The following MAF variants were observed in gnomAD, a reference collection of about 807,000 sequenced individuals.
MAF encodes the protein transcription factor Maf.
A neutral mutation model predicts 22.0 loss-of-function variants in MAF; 10 were observed. That is an observed-to-expected ratio of 0.45 (90% CI 0.28 to 0.77). MAF has a LOEUF of 0.77. Ranked by LOEUF, MAF falls within the 30% of genes least tolerant of loss-of-function variation. The pLI is 0.12. For missense variants in MAF, 544 were observed against 548.4 expected (o/e 0.99, Z 0.08); for synonymous variants, 337 against 255.8 (o/e 1.32, Z -3.03).
At chr16:79,270,595 T>G in the MAF span, among the ~76,000 whole-genome samples, 1 of 152,200 alleles carries the variant, frequency 6.6e-6, no homozygotes, top group Non-Finnish European at 1.5e-5. Context: ...AGGGCTGGCT[T>G]GTTTCCAGTG....
the MAF span, among the ~76,000 whole-genome samples, chr16:79,537,225 T>A: frequency 2.0e-5 from 3 of 152,216 alleles, no homozygotes; most frequent in Non-Finnish European, 4.4e-5. Flanking sequence ...CACTCGAACA[T>A]CCTGTTCCAA....
chr16:79,377,787 C>G, the MAF span, among the ~76,000 whole-genome samples: 4 of 152,142 alleles, frequency 2.6e-5, no homozygotes, highest in Non-Finnish European at 4.4e-5. Context: ...AATAGGGAAT[C>G]CTTTCCCCAT....
At chr16:79,509,416 C>CAAA in the MAF span, among the ~76,000 whole-genome samples, 12 of 152,230 alleles carry the variant, frequency 7.9e-5, no homozygotes, top group African/African-American at 2.9e-4. Flanking sequence ...TCTTCCCTCT[C>CAAA]TGCCGTCAGC....
At chr16:79,305,808 T>C in the MAF span, among the ~76,000 whole-genome samples, 4 of 152,034 alleles carry the variant, frequency 2.6e-5, no homozygotes, top group Non-Finnish European at 5.9e-5. Flanking sequence ...GCTTACGAAA[T>C]AGGGATTCAA....
chr16:79,370,204 G>C, the MAF span, among the ~76,000 whole-genome samples: 1 of 152,174 alleles, frequency 6.6e-6, no homozygotes, highest in African/African-American at 2.4e-5. Context: ...TTTTCTCAGG[G>C]TTAGGAACAG....
the MAF span, among the ~76,000 whole-genome samples, chr16:79,425,304 T>TA: frequency 3.3e-5 from 5 of 152,202 alleles, no homozygotes; most frequent in African/African-American, 7.2e-5. Context: ...GTCTTTTTTT[T>TA]ATTTTTAAAA....
chr16:79,480,034 A>G, the MAF span, among the ~76,000 whole-genome samples: 1 of 152,182 alleles, frequency 6.6e-6, no homozygotes, highest in Non-Finnish European at 1.5e-5. Flanking sequence ...ATAGACACCC[A>G]TTCTACTCTC....
chr16:79,488,482 T>G, the MAF span, among the ~76,000 whole-genome samples: 1 of 152,116 alleles, frequency 6.6e-6, no homozygotes, highest in African/African-American at 2.4e-5. Context: ...TAAATGGAAG[T>G]CTATAATGTA....
the MAF span, among the ~76,000 whole-genome samples, chr16:79,467,160 C>G: frequency 6.6e-6 from 1 of 152,142 alleles, no homozygotes; most frequent in Non-Finnish European, 1.5e-5. Context: ...CCAAGGGTCC[C>G]TCCCAAATTC....
At chr16:79,391,138 A>G in the MAF span, among the ~76,000 whole-genome samples, 6 of 152,172 alleles carry the variant, frequency 3.9e-5, no homozygotes, top group Admixed American at 3.9e-4. Flanking sequence ...CTCTGGAGTC[A>G]GAAAACTCAG....
the MAF span, among the ~76,000 whole-genome samples, chr16:79,543,746 G>A: frequency 2.2e-3 from 336 of 150,012 alleles, 5 homozygotes; most frequent in East Asian, 0.043. Flanking sequence ...GAGTGCAGTG[G>A]TGCAATCTCG....
chr16:79,210,390 G>C, the MAF span, among the ~76,000 whole-genome samples: 3 of 152,156 alleles, frequency 2.0e-5, no homozygotes, highest in Non-Finnish European at 4.4e-5. Flanking sequence ...CCATTTGAGG[G>C]AAACTCCTCC....
chr16:79,336,847 T>C, the MAF span, among the ~76,000 whole-genome samples: 2 of 152,244 alleles, frequency 1.3e-5, no homozygotes, highest in Non-Finnish European at 2.9e-5. Flanking sequence ...AATTAATGAA[T>C]GCAGACATAA....
intron 1 of MAF, chr16:79,597,857 G>C (rs2143785139): frequency 9.7e-7 from 1 of 1,026,966 alleles, no homozygotes; most frequent in African/African-American, 1.7e-5. Flanking sequence ...AACAGTTATA[G>C]TTCATTGTTG....
chr16:79,395,088 G>A, the MAF span, among the ~76,000 whole-genome samples: 16 of 152,286 alleles, frequency 1.1e-4, no homozygotes, highest in East Asian at 9.7e-4. Flanking sequence ...TACCCCAGGC[G>A]GAGAGAACGC....
the MAF span, among the ~76,000 whole-genome samples, chr16:79,470,064 G>A: frequency 6.6e-6 from 1 of 152,158 alleles, no homozygotes; most frequent in African/African-American, 2.4e-5. Flanking sequence ...CATCCTCCAG[G>A]CTCTCAGGCC....
chr16:79,292,424 C>T, the MAF span, among the ~76,000 whole-genome samples: 1 of 152,130 alleles, frequency 6.6e-6, no homozygotes, highest in Non-Finnish European at 1.5e-5. Context: ...GGGAGGATGG[C>T]CCTGCCAACA....
At chr16:79,457,872 C>A in the MAF span, among the ~76,000 whole-genome samples, 1 of 152,204 alleles carries the variant, frequency 6.6e-6, no homozygotes, top group South Asian at 2.1e-4. Context: ...CTGCCTCCCA[C>A]AGTATGAGAA....
chr16:79,295,610 G>A, the MAF span, among the ~76,000 whole-genome samples: 1 of 152,188 alleles, frequency 6.6e-6, no homozygotes, highest in Non-Finnish European at 1.5e-5. Context: ...ATGTAATGAG[G>A]CAGCTTTTAG....
Sources: gnomAD v4.1 joint callset for allele counts (sites outside exome capture counted in the v4.1 genomes callset) on GRCh38, gnomAD v4.1.1 for gene constraint, MANE v1.5 for transcripts, NCBI Gene and HGNC (gene_info 2026-07-23, HGNC 2026-07-21) for gene names.